Variants in RNF17 observed in about 807,000 individuals in gnomAD.
The protein encoded by RNF17 is ring finger protein 17.
In RNF17, 31 loss-of-function variants were observed where a neutral mutation model predicts 200.5. That is an observed-to-expected ratio of 0.15 (90% CI 0.12 to 0.21). The LOEUF (loss-of-function observed/expected upper bound fraction) is 0.21, where lower values mean the gene tolerates loss of function less well. Ranked by LOEUF, RNF17 falls within the 10% of genes least tolerant of loss-of-function variation. The probability of loss-of-function intolerance (pLI) is 1.00; values close to 1 mark genes in which losing one functional copy is unlikely to be tolerated. For synonymous variants in RNF17, 606 were observed against 637.8 expected (o/e 0.95, Z 0.75); for missense variants, 1,628 against 1,905.1 (o/e 0.85, Z 2.71).
At chr13:24,791,853 C>T (rs1288132754) in intron 9 of RNF17, among the ~76,000 whole-genome samples, 1 of 152,156 alleles carries the variant, frequency 6.6e-6, no homozygotes, top group Non-Finnish European at 1.5e-5. Flanking sequence ...GGGACTAGAA[C>T]TGAGGAGCTA....
the RNF17 span, among the ~76,000 whole-genome samples, chr13:24,887,013 C>A: frequency 6.6e-6 from 1 of 152,070 alleles, no homozygotes; most frequent in South Asian, 2.1e-4. Context: ...GTGAACCCAC[C>A]TTAAAAATAC....
chr13:24,842,620 G>A (rs1041029485), intron 19 of RNF17, among the ~76,000 whole-genome samples: 2 of 152,172 alleles, frequency 1.3e-5, no homozygotes, highest in East Asian at 1.9e-4. Flanking sequence ...ACCCAGGACA[G>A]GCTAGTGGTT....
At chr13:24,843,449 C>T (rs891966023) in intron 19 of RNF17, among the ~76,000 whole-genome samples, 6 of 151,938 alleles carry the variant, frequency 3.9e-5, no homozygotes, top group Admixed American at 1.3e-4. Context: ...ACCTGGGAGG[C>T]GCAAGCTGCA....
rs774151069 is a variant in RNF17 at position 24,825,790 on chromosome 13, G to C, written c.2245+18G>C. On this transcript the variant is annotated intron_variant, in intron 16 of 35. Transcript: ENST00000255324. ...AGTTATCGGTAGGAGAATGCATGCT[G>C]TTTCTACAGGGAGATGTCATACTTC... is the stretch of plus-strand genomic sequence containing the variant. 6.2e-7 allele frequency: 1 copy of C among 1,606,246 alleles called. No homozygotes were observed.
the RNF17 span, among the ~76,000 whole-genome samples, chr13:24,752,827 G>A: frequency 6.6e-6 from 1 of 152,218 alleles, no homozygotes; most frequent in Non-Finnish European, 1.5e-5. Context: ...AGTCTTAAAT[G>A]TAAGTTGGAT....
At chr13:24,773,749 CTGAG>C (rs550965973) in intron 2 of RNF17, among the ~76,000 whole-genome samples, 410 of 152,346 alleles carry the variant, frequency 2.7e-3, no homozygotes, top group Non-Finnish European at 4.6e-3. Flanking sequence ...CTTTAATTGA[CTGAG>C]TGAAGTTAGA....
At chr13:24,770,317 T>C (rs1417014981) in intron 2 of RNF17, among the ~76,000 whole-genome samples, 1 of 152,118 alleles carries the variant, frequency 6.6e-6, no homozygotes, top group Non-Finnish European at 1.5e-5. Context: ...ATAAATAAAA[T>C]TTAAATGACA....
At chr13:24,847,639 C>T (rs1180194628) in intron 22 of RNF17, among the ~76,000 whole-genome samples, 1 of 152,140 alleles carries the variant, frequency 6.6e-6, no homozygotes, top group South Asian at 2.1e-4. Flanking sequence ...GTCACCACGC[C>T]TGGCCTAAAA....
At chr13:24,828,475 G>A (rs1888997521) in intron 16 of RNF17, among the ~76,000 whole-genome samples, 1 of 151,938 alleles carries the variant, frequency 6.6e-6, no homozygotes, top group Middle Eastern at 3.2e-3. Context: ...TCTTTCAGCT[G>A]TTTCGTTGTT....
At chr13:24,775,695 T>C (rs980491363) in intron 3 of RNF17, among the ~76,000 whole-genome samples, 4 of 152,236 alleles carry the variant, frequency 2.6e-5, no homozygotes. Context: ...ACTTTATACA[T>C]GTATGCATTA....
At chr13:24,763,065 C>G (rs2137834967), upstream of RNF17, among the ~76,000 whole-genome samples, 1 of 152,296 alleles carries the variant, frequency 6.6e-6, no homozygotes, top group East Asian at 1.9e-4. Context: ...CTTGTTTACT[C>G]CTGTAAGTAC....
rs557188047 is a variant in RNF17, at chr13:24,838,709, A to G, written c.2483-3332A>G. Among the ~76,000 whole-genome samples, 5 of 152,298 alleles carry G rather than the reference A, an allele frequency of 3.3e-5. No individual in the cohort carries two copies. The East Asian group carries it at 5.8e-4, about 18-fold the overall frequency. On this transcript the variant is annotated intron_variant, in intron 18 of 35. Transcript: ENST00000255324. ...GCCATCTATGACAAACCCACAGCCA[A>G]CGTAATTCTGAATGGGGAAAAGTTG...
At chr13:24,760,877 T>G (rs1249420799), upstream of RNF17, among the ~76,000 whole-genome samples, 1 of 152,118 alleles carries the variant, frequency 6.6e-6, no homozygotes, top group African/African-American at 2.4e-5. Flanking sequence ...GCATGCTCAA[T>G]GTCACTAATC....
downstream of RNF17, chr13:24,884,337 G>C: frequency 1.2e-6 from 2 of 1,614,092 alleles, no homozygotes. Context: ...CTTTGGTCTG[G>C]CATGACCTGC....
At chr13:24,807,206 T>C (rs1016517387) in intron 15 of RNF17, among the ~76,000 whole-genome samples, 1 of 151,980 alleles carries the variant, frequency 6.6e-6, no homozygotes, top group African/African-American at 2.4e-5. Context: ...TAGTTCTAGA[T>C]CCCTGAGGAA....
chr13:24,881,910 AG>A (rs1953845963), downstream of RNF17, among the ~76,000 whole-genome samples: 7 of 78,384 alleles, frequency 8.9e-5, no homozygotes, highest in Non-Finnish European at 1.5e-4. Context: ...ATAGATATAT[AG>A]ATACATCTAT....
At chr13:24,751,315 T>TC in the RNF17 span, 1 of 87,742 alleles carries the variant, frequency 1.1e-5, no homozygotes, top group Admixed American at 1.2e-4. Flanking sequence ...TATATATATA[T>TC]TTTTTTTTAC....
rs1455245377 is a variant in RNF17, at chr13:24,789,711, T to C, written c.874T>C (p.Cys292Arg). The part of the protein sequence containing the change: ...LRNPPRLSVN[C>R]SEIICMFNNM... ...GTTTTATTATAGGTTGAGTGTGAAT[T>C]GCAGTGAGATCATCTGTATGTTCAA... Residue 292 changes from cysteine to arginine, a missense_variant, in exon 9 of 36, where the codon TGC (cysteine) becomes CGC (arginine). Physicochemically the swap from Cys to Arg is radical, Grantham distance 180. This residue lies in a region of RNF17 where 502 missense variants were observed against 501.7 expected (regional missense o/e 1.00). Transcript: ENST00000255324. 3.1e-6 allele frequency: 5 copies of C among 1,591,984 alleles called. No individual in the cohort carries two copies. The African/African-American group carries it at 4.0e-5, about 13-fold the overall frequency.
intron 16 of RNF17, among the ~76,000 whole-genome samples, chr13:24,828,910 G>A (rs1328315224): frequency 6.6e-6 from 1 of 151,868 alleles, no homozygotes; most frequent in East Asian, 1.9e-4. Flanking sequence ...CTGGGCTTAA[G>A]CAGTCCTCCC....
Sources: allele counts gnomAD v4.1 joint callset (sites outside exome capture counted in the v4.1 genomes callset), GRCh38; gene constraint gnomAD v4.1.1; regional missense constraint gnomAD v4.1.1; transcripts MANE v1.5; gene names NCBI Gene and HGNC (gene_info 2026-07-23, HGNC 2026-07-21).